Variants in BSN observed in about 807,000 individuals in gnomAD.
BSN encodes the protein protein bassoon.
Under a neutral mutation model 264.8 loss-of-function variants are expected in BSN, and 57 were observed. The observed-to-expected ratio is 0.22, with a 90% CI of 0.17 to 0.27. The LOEUF is 0.27. BSN is among the 10% of genes least tolerant of loss of function. The pLI, the probability that BSN is intolerant of heterozygous loss-of-function variation, is 1.00. For missense variants in BSN, 4,615 were observed against 5,232.5 expected, an observed-to-expected ratio of 0.88 and a Z score of 3.64; for synonymous variants, 2,059 against 2,137.3, an observed-to-expected ratio of 0.96 and a Z score of 1.01.
intron 1 of BSN, among the ~76,000 whole-genome samples, chr3:49,605,931 CTATTTATATATAAA>C (rs1174805546): frequency 1.1e-3 from 8 of 7,442 alleles, no homozygotes; most frequent in Admixed American, 4.0e-3. Context: ...GATATAAAAT[CTATTTATATATAAA>C]TATATATAAA....
chr3:49,617,137 A>G (rs1395522614), intron 1 of BSN, among the ~76,000 whole-genome samples: 1 of 152,062 alleles, frequency 6.6e-6, no homozygotes, highest in Non-Finnish European at 1.5e-5. Context: ...TATTTGTCCC[A>G]ATATCTAATG....
At chr3:49,562,787 G>A (rs2051723918) in intron 1 of BSN, among the ~76,000 whole-genome samples, 1 of 152,176 alleles carries the variant, frequency 6.6e-6, no homozygotes, top group East Asian at 1.9e-4. Flanking sequence ...TCAGAAAGTA[G>A]GACATTTGAG....
At chr3:49,602,042 C>G (rs2052076446) in intron 1 of BSN, among the ~76,000 whole-genome samples, 1 of 152,192 alleles carries the variant, frequency 6.6e-6, no homozygotes, top group Non-Finnish European at 1.5e-5. Flanking sequence ...TTCCTGAGAG[C>G]CTCTCTACTT....
At chr3:49,643,720 C>T (rs888602968) in intron 3 of BSN, among the ~76,000 whole-genome samples, 8 of 152,208 alleles carry the variant, frequency 5.3e-5, no homozygotes, top group African/African-American at 1.9e-4. Flanking sequence ...AAAGTCACAG[C>T]CTTTGGTCCA....
At position 49,654,982 on chromosome 3, in the gene BSN, C is replaced by T; in HGVS notation, c.5426C>T (p.Ala1809Val). 6.2e-7 allele frequency: 1 copy of T among 1,612,928 alleles called. No homozygotes were observed. Residue 1809 changes from alanine to valine, a missense_variant, in exon 5 of 12, where the codon GCT (alanine) becomes GTT (valine). By Grantham distance (64) the Ala-to-Val change is moderately conservative (BLOSUM62 0). Coordinates refer to ENST00000296452, the MANE Select transcript of BSN (RefSeq NM_003458.4). The surrounding 1 kb of genome is among the most constrained non-coding windows in gnomAD (Gnocchi z 4.1). ...FARYNLPNQV[A>V]PLARRDVLIT... The stretch of plus-strand genomic sequence containing the variant: ...AGATATAACCTACCCAACCAAGTAG[C>T]TCCTCTGGCCAGAAGAGACGTTTTG...
chr3:49,582,454 C>G (rs1156805580), intron 1 of BSN, among the ~76,000 whole-genome samples: 3 of 152,156 alleles, frequency 2.0e-5, no homozygotes, highest in African/African-American at 4.8e-5. Flanking sequence ...GAACTACAGG[C>G]CCAGCTGAAA....
At chr3:49,555,648 G>A (rs1029502714) in intron 1 of BSN, among the ~76,000 whole-genome samples, 4 of 152,234 alleles carry the variant, frequency 2.6e-5, no homozygotes, top group African/African-American at 4.8e-5. Context: ...CAGTCAAGTG[G>A]CAATGAAGGC....
intron 1 of BSN, among the ~76,000 whole-genome samples, chr3:49,586,384 A>C (rs1227913851): frequency 6.6e-6 from 1 of 151,708 alleles, no homozygotes; most frequent in African/African-American, 2.4e-5. Flanking sequence ...TTACTTATTT[A>C]TTTATTCTGA....
chr3:49,606,225 T>TA (rs1449538249), intron 1 of BSN, among the ~76,000 whole-genome samples: 3 of 51,230 alleles, frequency 5.9e-5, no homozygotes, highest in Non-Finnish European at 1.0e-4. Flanking sequence ...ATATTATATA[T>TA]ACATATATTA....
Position 49,662,414 on chromosome 3 carries a change from C to G in BSN, c.10569C>G (p.Pro3523=), listed in dbSNP as rs536513492. 1 of 1,613,510 alleles carries G rather than the reference C, an allele frequency of 6.2e-7. No homozygotes were observed. The highest frequency in any genetic ancestry group is 8.5e-7 in the Non-Finnish European group (1 of 1,180,016). ...GCCCTGCCGGAGGGCCCCTCCCTCCCGGCGGGGATACCTGCCCACAGTTCT... is the reference window on the plus strand; with the variant it reads ...GCCCTGCCGGAGGGCCCCTCCCTCCGGGCGGGGATACCTGCCCACAGTTCT... ...RPRPAGGPLP[P]GGDTCPQFCS... is the part of the protein sequence containing the mutation. Residue 3523 remains proline, a synonymous_variant, in exon 6 of 12, where the codon CCC becomes CCG. Coordinates refer to ENST00000296452, the MANE Select transcript of BSN (RefSeq NM_003458.4).
chr3:49,617,179 A>T (rs2052265207), intron 1 of BSN, among the ~76,000 whole-genome samples: 1 of 152,066 alleles, frequency 6.6e-6, no homozygotes, highest in African/African-American at 2.4e-5. Flanking sequence ...ATGACGGGTT[A>T]ATAGGTGTAG....
chr3:49,589,920 C>T (rs1180198429), intron 1 of BSN, among the ~76,000 whole-genome samples: 1 of 151,716 alleles, frequency 6.6e-6, no homozygotes, highest in Non-Finnish European at 1.5e-5. Context: ...TCACTGCAAC[C>T]TCCGCCTCCC....
Position 49,656,772 on chromosome 3 carries a change from G to A in BSN, c.7216G>A (p.Glu2406Lys), listed in dbSNP as rs1436012723. 1 of 1,583,150 alleles carries A rather than the reference G, an allele frequency of 6.3e-7. No homozygotes were observed. Among genetic ancestry groups the A allele is most frequent in the Non-Finnish European group, 8.6e-7 (1 of 1,164,752 alleles). ...ACGTGTGGAGCTGCAGAGGCACCGT[G>A]AGGAGGAGCAGCTGCTGGTGCAGCG... ...RERVELQRHR[E>K]EEQLLVQREL... Residue 2406 changes from glutamate (E) to lysine (K), a missense_variant, in exon 5 of 12, where the codon GAG (glutamate) becomes AAG (lysine). Coordinates refer to ENST00000296452, the MANE Select transcript of BSN (RefSeq NM_003458.4).
intron 7 of BSN, 55 bp from the exon 8 acceptor site, chr3:49,663,732 C>G: frequency 6.2e-7 from 1 of 1,611,094 alleles, no homozygotes; most frequent in Non-Finnish European, 8.5e-7. Flanking sequence ...TTGGACATCC[C>G]CTTGGTTCCA....
At position 49,656,892 on chromosome 3, in the gene BSN, G is replaced by A. The variant is rs1195085048; in HGVS notation, c.7336G>A (p.Ala2446Thr). The A allele has an allele frequency of 1.9e-6, 3 of 1,600,270 alleles. No homozygotes were observed. Among genetic ancestry groups the A allele is most frequent in the Non-Finnish European group, 2.6e-6 (3 of 1,173,438 alleles). ...AQFALQREQL[A>T]QQRLQLEQIQ... ...ATTTGCACTGCAGCGGGAACAGCTA[G>A]CGCAGCAGCGTCTGCAGCTGGAGCA... Residue 2446 changes from alanine to threonine, a missense_variant, in exon 5 of 12, where the codon GCG (alanine) becomes ACG (threonine). Physicochemically the swap from Ala to Thr is moderately conservative, Grantham distance 58. Around this residue, in one of 3 missense-constraint regions of BSN, gnomAD observed 3,415 missense variants for 3,866.4 expected, o/e 0.88. Coordinates refer to ENST00000296452, the MANE Select transcript of BSN (RefSeq NM_003458.4).
Position 49,652,967 on chromosome 3 carries a change from G to T in BSN, c.3411G>T (p.Glu1137Asp). Residue 1137 changes from glutamate (E) to aspartate (D), a missense_variant, in exon 5 of 12, where the codon GAG (glutamate) becomes GAT (aspartate). This residue lies in a region of BSN where 3,415 missense variants were observed against 3,866.4 expected (regional missense o/e 0.88). Transcript: ENST00000296452. ...SPSPSLDSEAEALDGGPSRLY... is the reference protein window; with the variant it reads ...SPSPSLDSEADALDGGPSRLY... ...CACCCTCCCTTGACTCTGAGGCTGA[G>T]GCCTTGGATGGTGGCCCTAGCCGGC... 1 of 1,612,672 alleles carries T rather than the reference G, an allele frequency of 6.2e-7. No homozygotes were observed. Among genetic ancestry groups the T allele is most frequent in the Non-Finnish European group, 8.5e-7 (1 of 1,179,380 alleles).
intron 1 of BSN, among the ~76,000 whole-genome samples, chr3:49,572,424 G>T (rs970439900): frequency 6.6e-6 from 1 of 152,144 alleles, no homozygotes; most frequent in African/African-American, 2.4e-5. Context: ...GCCTCAGGTC[G>T]AAAGTGGGTG....
chr3:49,634,653 A>G (rs1426766202), intron 2 of BSN, among the ~76,000 whole-genome samples: 1 of 152,186 alleles, frequency 6.6e-6, no homozygotes, highest in Non-Finnish European at 1.5e-5. Context: ...CACCCTCCCA[A>G]AGTGCTGGGA....
chr3:49,571,879 A>G (rs2051799143), intron 1 of BSN, among the ~76,000 whole-genome samples: 1 of 152,180 alleles, frequency 6.6e-6, no homozygotes, highest in South Asian at 2.1e-4. Flanking sequence ...CCAACTCCCC[A>G]TACCCCAATA....
Sources: allele counts gnomAD v4.1 joint callset (sites outside exome capture counted in the v4.1 genomes callset), GRCh38; gene constraint gnomAD v4.1.1; regional missense constraint gnomAD v4.1.1; non-coding constraint Gnocchi (gnomAD v3.1); transcripts MANE v1.5; gene names NCBI Gene and HGNC (gene_info 2026-07-23, HGNC 2026-07-21).